The following PLCB1 variants were observed in gnomAD, a reference collection of about 807,000 sequenced individuals.
PLCB1 encodes phospholipase C beta 1.
Under a neutral mutation model 161.8 loss-of-function variants are expected in PLCB1, and 46 were observed. The ratio of observed to expected loss-of-function variants is 0.28; its 90% CI spans 0.22 to 0.36. PLCB1 has a LOEUF of 0.36. PLCB1 is among the 10% of genes least tolerant of loss of function. PLCB1 has a pLI of 1.00. For synonymous variants in PLCB1, 517 were observed against 503.7 expected (o/e 1.03, Z -0.35); for missense variants, 1,016 against 1,472.5 (o/e 0.69, Z 5.07).
At chr20:8,584,956 T>C (rs1267912483) in intron 3 of PLCB1, among the ~76,000 whole-genome samples, 2 of 152,214 alleles carry the variant, frequency 1.3e-5, no homozygotes, top group African/African-American at 2.4e-5. Flanking sequence ...CCAAAAGTGC[T>C]GGGATCACAG....
chr20:8,596,911 G>T (rs1197665804), intron 3 of PLCB1, among the ~76,000 whole-genome samples: 1 of 152,258 alleles, frequency 6.6e-6, no homozygotes, highest in African/African-American at 2.4e-5. Flanking sequence ...TTTGTCTGTT[G>T]TTGGTGTATA....
intron 2 of PLCB1, among the ~76,000 whole-genome samples, chr20:8,330,023 G>A (rs1244691716): frequency 2.0e-5 from 3 of 152,084 alleles, no homozygotes; most frequent in Admixed American, 6.5e-5. Context: ...GTGGCAAGAC[G>A]GTGTTCAAGA....
chr20:8,451,428 A>G (rs911730028), intron 3 of PLCB1, among the ~76,000 whole-genome samples: 7 of 152,096 alleles, frequency 4.6e-5, no homozygotes, highest in Non-Finnish European at 7.4e-5. Flanking sequence ...GCTCACTGCA[A>G]CCTCTGCCTC....
intron 3 of PLCB1, among the ~76,000 whole-genome samples, chr20:8,455,941 G>A (rs1416513895): frequency 1.3e-5 from 2 of 152,178 alleles, no homozygotes; most frequent in Non-Finnish European, 2.9e-5. Context: ...TAATCAAAAT[G>A]ATGTGTACAG....
intron 3 of PLCB1, among the ~76,000 whole-genome samples, chr20:8,479,535 C>G (rs1056334716): frequency 4.9e-4 from 75 of 152,210 alleles, no homozygotes; most frequent in African/African-American, 1.6e-3. Flanking sequence ...TACAGAGTCA[C>G]AATTCTTAAT....
intron 3 of PLCB1, among the ~76,000 whole-genome samples, chr20:8,609,606 G>A (rs1307910372): frequency 1.3e-5 from 2 of 152,072 alleles, no homozygotes; most frequent in Admixed American, 6.5e-5. Flanking sequence ...AAAATATTTT[G>A]AAGTTTTCTT....
chr20:8,510,680 C>T (rs1983848101), intron 3 of PLCB1, among the ~76,000 whole-genome samples: 1 of 152,212 alleles, frequency 6.6e-6, no homozygotes, highest in South Asian at 2.1e-4. Context: ...CGTGAGCCAC[C>T]GTGCCCGGCA....
intron 3 of PLCB1, among the ~76,000 whole-genome samples, chr20:8,410,329 T>C (rs1311151255): frequency 4.6e-5 from 7 of 152,178 alleles, no homozygotes. Context: ...TTATATTCAA[T>C]AGAGCAAAGT....
At chr20:8,348,994 A>G (rs1239616389) in intron 2 of PLCB1, among the ~76,000 whole-genome samples, 2 of 152,130 alleles carry the variant, frequency 1.3e-5, no homozygotes, top group Non-Finnish European at 2.9e-5. Flanking sequence ...ATATATTTGT[A>G]TATATATATG....
chr20:8,684,098 A>G (rs566235112), intron 9 of PLCB1, among the ~76,000 whole-genome samples: 12 of 151,818 alleles, frequency 7.9e-5, no homozygotes, highest in South Asian at 2.1e-4. Context: ...GTTAGCCAGG[A>G]TGGTCTCGAT....
chr20:8,668,262 A>G (rs374024363), intron 9 of PLCB1, among the ~76,000 whole-genome samples: 3 of 152,208 alleles, frequency 2.0e-5, no homozygotes, highest in East Asian at 3.9e-4. Context: ...GGAAGTGGAC[A>G]GTGACCAAGG....
At chr20:8,391,818 TATATATAC>T (rs1176917699) in intron 3 of PLCB1, among the ~76,000 whole-genome samples, 7 of 118,282 alleles carry the variant, frequency 5.9e-5, no homozygotes, top group Admixed American at 5.3e-4. Flanking sequence ...TATATATATA[TATATATAC>T]ACACACATAT....
rs905774548 is a variant in PLCB1 at position 8,882,402 on chromosome 20, G to T, written c.*553G>T. 6.3e-6 allele frequency: 1 copy of T among 157,804 alleles called. No homozygotes were observed. Among genetic ancestry groups the T allele is most frequent in the Non-Finnish European group, 1.4e-5 (1 of 70,936 alleles). The allele number at this position is 157,804 out of a possible 1,614,324, so 9.8% of individuals were successfully genotyped here. A position where few individuals can be genotyped will look rare whatever the true frequency, so the allele number is the denominator to read the frequency against. On this transcript the variant is annotated 3_prime_UTR_variant, in exon 32 of 32. Transcript: ENST00000338037. ...AGTTTGCTAATTTATTTATCATAGA[G>T]TCATCAATGTATTTGTTGCTGACAT...
At chr20:8,733,874 C>G (rs897158125) in intron 19 of PLCB1, among the ~76,000 whole-genome samples, 1 of 149,316 alleles carries the variant, frequency 6.7e-6, no homozygotes, top group Non-Finnish European at 1.5e-5. Flanking sequence ...GTAATCCCAG[C>G]ACTTTGGGAG....
intron 2 of PLCB1, among the ~76,000 whole-genome samples, chr20:8,224,546 AT>A (rs1979576662): frequency 1.3e-5 from 2 of 152,208 alleles, no homozygotes; most frequent in Non-Finnish European, 2.9e-5. Flanking sequence ...ATGTTAATGA[AT>A]TTAATAGTAA....
intron 31 of PLCB1, among the ~76,000 whole-genome samples, chr20:8,879,135 G>T (rs1987883859): frequency 6.6e-6 from 1 of 152,116 alleles, no homozygotes; most frequent in Non-Finnish European, 1.5e-5. Context: ...CAAAGGACAT[G>T]ATTTCATACT....
intron 31 of PLCB1, among the ~76,000 whole-genome samples, chr20:8,799,849 AT>A (rs2146237189): frequency 1.3e-5 from 2 of 152,316 alleles, no homozygotes; most frequent in South Asian, 4.1e-4. Flanking sequence ...TTTCTAGGTT[AT>A]TTATAATACC....
intron 2 of PLCB1, among the ~76,000 whole-genome samples, chr20:8,187,106 G>A (rs1489790039): frequency 1.3e-5 from 2 of 152,080 alleles, no homozygotes; most frequent in Non-Finnish European, 2.9e-5. Context: ...GTTCTTGGAT[G>A]ACCTCATCCA....
At chr20:8,632,772 G>T (rs1242073358) in intron 4 of PLCB1, among the ~76,000 whole-genome samples, 1 of 152,182 alleles carries the variant, frequency 6.6e-6, no homozygotes, top group African/African-American at 2.4e-5. Context: ...GGGCAAGCGT[G>T]ACAGCAGCTG....
Sources: allele counts gnomAD v4.1 joint callset (sites outside exome capture counted in the v4.1 genomes callset), GRCh38; gene constraint gnomAD v4.1.1; transcripts MANE v1.5; gene names NCBI Gene and HGNC (gene_info 2026-07-23, HGNC 2026-07-21).